RNF182: variants seen among roughly 807,000 people sequenced by gnomAD.
The protein encoded by RNF182 is E3 ubiquitin-protein ligase RNF182.
In RNF182, 15 loss-of-function variants were observed where a neutral mutation model predicts 14.4. That is an observed-to-expected ratio of 1.04 (90% CI 0.70 to 1.60). The LOEUF is 1.60. Among genes scored for constraint, RNF182 ranks in the 40% most tolerant of loss-of-function variants. The pLI is 0.00. For synonymous variants in RNF182, 128 were observed against 122.9 expected (o/e 1.04, Z -0.27); for missense variants, 268 against 294.8 (o/e 0.91, Z 0.67).
intron 1 of RNF182, among the ~76,000 whole-genome samples, chr6:13,952,607 AG>A (rs1759624749): frequency 6.6e-6 from 1 of 152,132 alleles, no homozygotes; most frequent in African/African-American, 2.4e-5. Flanking sequence ...CCTTTGGTTA[AG>A]TGGGGGTCTC....
Position 13,977,289 on chromosome 6 carries a change from C to T in RNF182, c.170C>T (p.Ser57Phe). ...TACAAGATCATAGACTTTGGGGACTCCCCACAAGGTGTCATTGTCTGTCCT... is the reference window on the plus strand; with the variant it reads ...TACAAGATCATAGACTTTGGGGACTTCCCACAAGGTGTCATTGTCTGTCCT... The part of the protein sequence containing the change: ...CLYKIIDFGD[S>F]PQGVIVCPFC... Residue 57 changes from serine (S) to phenylalanine (F), a missense_variant, in exon 3 of 3, where the codon TCC becomes TTC. Physicochemically the swap from Ser to Phe is radical, Grantham distance 155 (BLOSUM62 -2). Transcript: ENST00000488300. 3.1e-6 allele frequency: 5 copies of T among 1,614,180 alleles called. No individual in the cohort carries two copies. The highest frequency in any genetic ancestry group is 4.2e-6 in the Non-Finnish European group (5 of 1,180,020).
At position 13,934,930 on chromosome 6, in the gene RNF182, A is replaced by G. The variant is rs546804701; in HGVS notation, c.-367+9907A>G. On this transcript the variant is annotated intron_variant, in intron 1 of 2. Coordinates refer to ENST00000488300, the MANE Select transcript of RNF182 (RefSeq NM_152737.4). ...AGGCCCTGAGGCAGAGAGAGAAGACAGGAGAGTCAGATGAAATGCGGTTAG... is the reference window on the plus strand; with the variant it reads ...AGGCCCTGAGGCAGAGAGAGAAGACGGGAGAGTCAGATGAAATGCGGTTAG... 1.1e-4 allele frequency among the ~76,000 whole-genome samples: 17 copies of G among 152,318 alleles called. No homozygotes were observed. In the South Asian group the frequency reaches 3.5e-3, roughly 32 times the overall value.
rs1404370018 is a variant in RNF182, at chr6:13,978,152, C to T, written c.*289C>T. The stretch of plus-strand genomic sequence containing the variant: ...TCTCTCAGCACTGCCAGACAGACGG[C>T]AGGGGTGTGGTGTGTTATACTATAG... On this transcript the variant is annotated 3_prime_UTR_variant, in exon 3 of 3. Coordinates refer to ENST00000488300, the MANE Select transcript of RNF182 (RefSeq NM_152737.4). 1.2e-5 allele frequency: 4 copies of T among 343,732 alleles called. No homozygotes were observed. The highest frequency in any genetic ancestry group is 6.3e-5 in the African/African-American group (3 of 47,820). 21.3% of individuals were successfully genotyped at this position (343,732 alleles called of 1,614,324 possible). A position where few individuals can be genotyped will look rare whatever the true frequency, so the allele number is the denominator to read the frequency against.
chr6:13,961,821 T>C (rs568529871), intron 1 of RNF182, among the ~76,000 whole-genome samples: 46 of 152,296 alleles, frequency 3.0e-4, no homozygotes, highest in African/African-American at 9.6e-4. Flanking sequence ...CTTTCTGGAA[T>C]TGCTCCTTAT....
At chr6:13,964,605 C>A (rs1240664717) in intron 1 of RNF182, among the ~76,000 whole-genome samples, 1 of 152,144 alleles carries the variant, frequency 6.6e-6, no homozygotes, top group Non-Finnish European at 1.5e-5. Flanking sequence ...AAGTGAAACC[C>A]CAAGCTTTGT....
chr6:13,926,712 C>T (rs927966302), intron 1 of RNF182, among the ~76,000 whole-genome samples: 15 of 151,570 alleles, frequency 9.9e-5, no homozygotes, highest in African/African-American at 3.6e-4. Context: ...GAAGCCTAGG[C>T]ACATTATATA....
rs541131020 is a variant in RNF182 at position 13,975,704 on chromosome 6, A to G, written c.-211-1205A>G. On this transcript the variant is annotated intron_variant, in intron 2 of 2. Transcript: ENST00000488300. Reference sequence around the variant, plus strand: ...CACTGCCTTTCTCTGTTAGTGCAGTATGATCCATAGCAAATTTAAATGTCT... The same window carrying G: ...CACTGCCTTTCTCTGTTAGTGCAGTGTGATCCATAGCAAATTTAAATGTCT... Among the ~76,000 whole-genome samples the G allele has an allele frequency of 1.0e-3, 156 of 152,352 alleles. 1 individual carries two copies. Among genetic ancestry groups the G allele is most frequent in the African/African-American group, 3.5e-3 (146 of 41,578 alleles).
chr6:13,930,109 A>G (rs1244978789), intron 1 of RNF182, among the ~76,000 whole-genome samples: 1 of 143,770 alleles, frequency 7.0e-6, no homozygotes, highest in African/African-American at 2.5e-5. Flanking sequence ...GATTGGAAAT[A>G]TTTGGAAAAA....
rs9370570 is a variant in RNF182, at chr6:13,933,212, T to A, written c.-367+8189T>A. On this transcript the variant is annotated intron_variant, in intron 1 of 2. Transcript: ENST00000488300. Reference sequence around the variant, plus strand: ...ATCCTTAGACCAGTGCTGTCCAATATGTACTTTTAAGTTATGGGTTATATT... The same window carrying A: ...ATCCTTAGACCAGTGCTGTCCAATAAGTACTTTTAAGTTATGGGTTATATT... Among the ~76,000 whole-genome samples, 34 of 152,286 alleles carry A rather than the reference T, an allele frequency of 2.2e-4. 1 individual carries two copies. In the East Asian group the frequency reaches 6.4e-3, roughly 29 times the overall value.
chr6:13,977,254 C>T lies in RNF182; in HGVS notation c.135C>T (p.Ala45=). 6.2e-7 allele frequency: 1 copy of T among 1,614,170 alleles called. No individual in the cohort carries two copies. The highest frequency in any genetic ancestry group is 1.1e-5 in the South Asian group (1 of 91,084). ...KVLECCHRVC[A]KCLYKIIDFG... ...TGGAGTGTTGTCATAGGGTTTGTGCCAAATGCCTCTACAAGATCATAGACT... is the reference window on the plus strand; with the variant it reads ...TGGAGTGTTGTCATAGGGTTTGTGCTAAATGCCTCTACAAGATCATAGACT... The change falls in exon 3 of 3, where the codon GCC becomes GCT. Residue 45 remains alanine, a synonymous_variant. Coordinates refer to ENST00000488300, the MANE Select transcript of RNF182 (RefSeq NM_152737.4).
intron 1 of RNF182, among the ~76,000 whole-genome samples, chr6:13,942,581 A>G (rs1759325684): frequency 6.6e-6 from 1 of 152,110 alleles, no homozygotes; most frequent in African/African-American, 2.4e-5. Flanking sequence ...TCCTCAACTG[A>G]TCTACTTGCC....
intron 1 of RNF182, among the ~76,000 whole-genome samples, chr6:13,965,181 A>G (rs998817453): frequency 3.9e-5 from 6 of 152,248 alleles, no homozygotes; most frequent in Non-Finnish European, 8.8e-5. Flanking sequence ...GATGAAATGC[A>G]TGATTTCCCC....
chr6:13,940,842 G>C (rs1759278632), intron 1 of RNF182, among the ~76,000 whole-genome samples: 1 of 151,868 alleles, frequency 6.6e-6, no homozygotes, highest in Admixed American at 6.6e-5. Context: ...TAAGTTATTA[G>C]ACATTTATTA....
chr6:13,943,282 C>CT (rs79895436), intron 1 of RNF182, among the ~76,000 whole-genome samples: 2,184 of 142,838 alleles, frequency 0.015, 38 homozygotes, highest in East Asian at 0.045. Flanking sequence ...GTGGTTCCTG[C>CT]TTTTTTTTTT....
intron 1 of RNF182, among the ~76,000 whole-genome samples, chr6:13,953,373 GGT>G (rs1255230157): frequency 6.6e-6 from 1 of 152,130 alleles, no homozygotes. Flanking sequence ...TACTGCCCTG[GGT>G]GTGTGTGTAT....
chr6:13,924,909 C>CGCCT (rs1561771676), upstream of RNF182: 1 of 149,806 alleles, frequency 6.7e-6, no homozygotes, highest in Non-Finnish European at 1.5e-5. Flanking sequence ...CAAAGCCGCC[C>CGCCT]GCCCGCCAGC....
intron 1 of RNF182, among the ~76,000 whole-genome samples, chr6:13,956,282 T>C (rs990667715): frequency 6.6e-6 from 1 of 152,098 alleles, no homozygotes; most frequent in African/African-American, 2.4e-5. Flanking sequence ...CTGTCTCTGC[T>C]TTGGCCTAAT....
At chr6:13,965,748 C>T (rs1427184709) in intron 1 of RNF182, among the ~76,000 whole-genome samples, 5 of 152,190 alleles carry the variant, frequency 3.3e-5, no homozygotes, top group African/African-American at 4.8e-5. Flanking sequence ...AATCACGAGA[C>T]GATGAGTATT....
intron 1 of RNF182, among the ~76,000 whole-genome samples, chr6:13,928,333 C>T (rs1277450026): frequency 6.6e-6 from 1 of 152,042 alleles, no homozygotes; most frequent in South Asian, 2.1e-4. Flanking sequence ...TCAAATGCTT[C>T]CTTCTATATA....
Sources: gnomAD v4.1 joint callset for allele counts (sites outside exome capture counted in the v4.1 genomes callset) on GRCh38, gnomAD v4.1.1 for gene constraint, MANE v1.5 for transcripts, NCBI Gene and HGNC (gene_info 2026-07-23, HGNC 2026-07-21) for gene names.